The following RCAN2 variants were observed in gnomAD, a reference collection of about 807,000 sequenced individuals.
The protein encoded by RCAN2 is calcipressin-2.
RCAN2 carries 9 observed loss-of-function variants against 23.6 expected under a neutral mutation model. That is an observed-to-expected ratio of 0.38 (90% CI 0.23 to 0.67). The LOEUF is 0.67. Among genes scored for constraint, RCAN2 ranks in the 30% least tolerant of loss-of-function variants. The probability of loss-of-function intolerance (pLI) is 0.51; values close to 1 mark genes in which losing one functional copy is unlikely to be tolerated. For synonymous variants in RCAN2, 109 were observed against 115.7 expected (o/e 0.94, Z 0.37); for missense variants, 273 against 302.3 (o/e 0.90, Z 0.72).
chr6:46,367,302 T>C (rs1471890623), intron 2 of RCAN2, among the ~76,000 whole-genome samples: 1 of 151,946 alleles, frequency 6.6e-6, no homozygotes, highest in East Asian at 1.9e-4. Context: ...TGTCATAATA[T>C]ACCATCAGGT....
At chr6:46,395,109 G>C (rs562255413) in intron 2 of RCAN2, among the ~76,000 whole-genome samples, 1 of 152,144 alleles carries the variant, frequency 6.6e-6, no homozygotes, top group South Asian at 2.1e-4. Flanking sequence ...CTTCTGACAC[G>C]TCAAGTTTGA....
intron 2 of RCAN2, among the ~76,000 whole-genome samples, chr6:46,335,631 C>T (rs1055565643): frequency 3.3e-5 from 5 of 152,296 alleles, no homozygotes; most frequent in Admixed American, 1.3e-4. Flanking sequence ...GAGGTCCCAA[C>T]AGGAGTCTCA....
chr6:46,298,997 C>T (rs1161315316), intron 2 of RCAN2, among the ~76,000 whole-genome samples: 1 of 151,956 alleles, frequency 6.6e-6, no homozygotes, highest in Non-Finnish European at 1.5e-5. Context: ...TAAGGGAACT[C>T]ATATAAGAAT....
intron 2 of RCAN2, among the ~76,000 whole-genome samples, chr6:46,406,347 A>C (rs1766407019): frequency 6.6e-6 from 1 of 152,204 alleles, no homozygotes. Flanking sequence ...CTCCATGCAT[A>C]CTCAAATTTT....
intron 2 of RCAN2, among the ~76,000 whole-genome samples, chr6:46,277,744 A>G (rs1767765056): frequency 6.6e-6 from 1 of 152,076 alleles, no homozygotes; most frequent in Non-Finnish European, 1.5e-5. Context: ...GTCATGGGGA[A>G]GGGAGTGCTT....
intron 2 of RCAN2, among the ~76,000 whole-genome samples, chr6:46,327,796 T>G (rs553290014): frequency 1.4e-4 from 22 of 152,244 alleles, no homozygotes; most frequent in Non-Finnish European, 1.5e-4. Flanking sequence ...ATGCTCATCA[T>G]GGCTGATTTC....
At chr6:46,350,954 A>G (rs1764629423) in intron 2 of RCAN2, among the ~76,000 whole-genome samples, 1 of 152,198 alleles carries the variant, frequency 6.6e-6, no homozygotes, top group Non-Finnish European at 1.5e-5. Flanking sequence ...ACCTTGGGCT[A>G]GTCATCCTGT....
intron 2 of RCAN2, among the ~76,000 whole-genome samples, chr6:46,346,039 TTTGAA>T (rs1764472811): frequency 6.6e-6 from 1 of 152,110 alleles, no homozygotes; most frequent in Admixed American, 6.5e-5. Flanking sequence ...AGACCAAAAA[TTTGAA>T]TAACTGCTGA....
chr6:46,368,100 A>T (rs1765223382), intron 2 of RCAN2, among the ~76,000 whole-genome samples: 1 of 152,226 alleles, frequency 6.6e-6, no homozygotes, highest in Non-Finnish European at 1.5e-5. Context: ...CTCTATGGCA[A>T]CTACTCAACT....
chr6:46,406,854 A>G (rs538978580), intron 2 of RCAN2, among the ~76,000 whole-genome samples: 1 of 152,332 alleles, frequency 6.6e-6, no homozygotes, highest in South Asian at 2.1e-4. Context: ...AAACTTAGAC[A>G]GGTAGCAGAT....
In RCAN2 at chr6:46,491,207, A is replaced by AGGCGGC. The variant is rs1769135664; in HGVS notation, c.-38_-37insGCCGCC. 2 of 151,360 alleles carry AGGCGGC rather than the reference A, an allele frequency of 1.3e-5. No homozygotes were observed. Among genetic ancestry groups the AGGCGGC allele is most frequent in the Non-Finnish European group, 2.9e-5 (2 of 67,916 alleles). 9.4% of individuals were successfully genotyped at this position (151,360 alleles called of 1,614,324 possible). ...GTCCGCGATGCGCCGGCGGAGGCGG[A>AGGCGGC]GGCGGAGGCGGCGGCTGGGGCGTCT... On this transcript the variant is annotated 5_prime_UTR_variant, in exon 1 of 5. Coordinates refer to ENST00000371374, the MANE Select transcript of RCAN2 (RefSeq NM_001251974.2).
chr6:46,344,645 A>G (rs948192173), intron 2 of RCAN2, among the ~76,000 whole-genome samples: 1 of 152,082 alleles, frequency 6.6e-6, no homozygotes, highest in African/African-American at 2.4e-5. Context: ...AAGGCATACT[A>G]TAATATGTTA....
At chr6:46,229,074 C>G (rs1765781950) in intron 4 of RCAN2, among the ~76,000 whole-genome samples, 1 of 152,308 alleles carries the variant, frequency 6.6e-6, no homozygotes, top group South Asian at 2.1e-4. Flanking sequence ...AAATTCTTCT[C>G]TTTAAGAATG....
At chr6:46,269,635 A>C (rs1470553349) in intron 2 of RCAN2, among the ~76,000 whole-genome samples, 1 of 152,146 alleles carries the variant, frequency 6.6e-6, no homozygotes, top group East Asian at 1.9e-4. Flanking sequence ...CGGCTGGAGG[A>C]GTGCCAGCTG....
chr6:46,433,286 T>C lies in RCAN2; in HGVS notation c.225+23466A>G, dbSNP rs181055132. ...TATAGTATAACCAGTGGTATGCTGG[T>C]TAGCAGCTCTCAGCAGGTGTTAGAC... On this transcript the variant is annotated intron_variant, in intron 2 of 4. Coordinates refer to ENST00000371374, the MANE Select transcript of RCAN2 (RefSeq NM_001251974.2). Among the ~76,000 whole-genome samples the C allele has an allele frequency of 4.6e-5, 7 of 152,224 alleles. No homozygotes were observed. In the East Asian group the frequency reaches 1.2e-3, roughly 25 times the overall value.
chr6:46,248,561 T>C (rs777168945), intron 3 of RCAN2, among the ~76,000 whole-genome samples, 162 bp downstream of exon 3: 1 of 152,118 alleles, frequency 6.6e-6, no homozygotes, highest in Non-Finnish European at 1.5e-5. Context: ...TCTAAGCCAC[T>C]AAGCTGTTTC....
In RCAN2 at chr6:46,336,051, C is replaced by T. The variant is rs76027899; in HGVS notation, c.226-87155G>A. ...AAAGTGTGAACTCTTAACTTCTCAA[C>T]ATTTCTGCTATACAAACTTGTACAT... On this transcript the variant is annotated intron_variant, in intron 2 of 4. Transcript: ENST00000371374. Among the ~76,000 whole-genome samples the T allele has an allele frequency of 9.4e-3, 1,438 of 152,338 alleles. 18 individuals are homozygous for T. Among genetic ancestry groups the T allele is most frequent in the African/African-American group, 0.033 (1,358 of 41,570 alleles).
intron 2 of RCAN2, among the ~76,000 whole-genome samples, chr6:46,273,630 C>T (rs1194053480): frequency 1.3e-5 from 2 of 152,102 alleles, no homozygotes; most frequent in Admixed American, 6.5e-5. Flanking sequence ...TCTTGTGCAG[C>T]ATTGTAAAAA....
intron 4 of RCAN2, among the ~76,000 whole-genome samples, chr6:46,225,963 T>C (rs1032721356): frequency 2.0e-5 from 3 of 152,230 alleles, no homozygotes; most frequent in African/African-American, 7.2e-5. Flanking sequence ...AATTTGTGTA[T>C]AAAGTAGGAG....
Sources: allele counts gnomAD v4.1 joint callset (sites outside exome capture counted in the v4.1 genomes callset), GRCh38; gene constraint gnomAD v4.1.1; transcripts MANE v1.5; gene names NCBI Gene and HGNC (gene_info 2026-07-23, HGNC 2026-07-21).